GREB1L: variants seen among roughly 807,000 people sequenced by gnomAD.
GREB1L encodes GREB1-like protein.
Under a neutral mutation model 200.8 loss-of-function variants are expected in GREB1L, and 17 were observed. The ratio of observed to expected loss-of-function variants is 0.08; its 90% confidence interval spans 0.06 to 0.13. The LOEUF (loss-of-function observed/expected upper bound fraction) is 0.13. GREB1L is among the 10% of genes least tolerant of loss of function. The pLI, the probability that GREB1L is intolerant of heterozygous loss-of-function variation, is 1.00. For missense variants in GREB1L, 1,657 were observed against 2,367.7 expected, an observed-to-expected ratio of 0.70 and a Z score of 6.23; for synonymous variants, 789 against 893.0, an observed-to-expected ratio of 0.88 and a Z score of 2.08.
chr18:21,443,827 T>G (rs2145305703), intron 10 of GREB1L, among the ~76,000 whole-genome samples: 1 of 152,322 alleles, frequency 6.6e-6, no homozygotes, highest in Admixed American at 6.5e-5. Context: ...AAACCACCTC[T>G]CCATTGCTTG....
intron 4 of GREB1L, among the ~76,000 whole-genome samples, chr18:21,391,052 A>G (rs922002605): frequency 1.3e-5 from 2 of 152,240 alleles, no homozygotes; most frequent in Non-Finnish European, 2.9e-5. Flanking sequence ...TATTGAAGAA[A>G]AAAACATTTT....
At chr18:21,271,706 C>G (rs910790527) in intron 1 of GREB1L, among the ~76,000 whole-genome samples, 4 of 151,876 alleles carry the variant, frequency 2.6e-5, no homozygotes, top group Non-Finnish European at 2.9e-5. Context: ...AATGTAGCCC[C>G]CACTCATGCA....
chr18:21,263,570 A>G (rs1643044554), intron 1 of GREB1L, among the ~76,000 whole-genome samples: 1 of 152,182 alleles, frequency 6.6e-6, no homozygotes. Context: ...ATTTTCAATG[A>G]CTTAAGTTTA....
intron 1 of GREB1L, among the ~76,000 whole-genome samples, chr18:21,294,244 G>T (rs1238325696): frequency 2.0e-5 from 3 of 152,010 alleles, no homozygotes; most frequent in African/African-American, 7.2e-5. Flanking sequence ...GGCATGTGAG[G>T]CTAGTGGCTA....
chr18:21,268,857 T>C (rs973405988), intron 1 of GREB1L, among the ~76,000 whole-genome samples: 2 of 151,818 alleles, frequency 1.3e-5, no homozygotes, highest in African/African-American at 4.8e-5. Flanking sequence ...GTGCTGGGAT[T>C]ACAGGTGTGA....
chr18:21,387,312 TG>T, intron 4 of GREB1L, among the ~76,000 whole-genome samples: 1 of 152,366 alleles, frequency 6.6e-6, no homozygotes, highest in East Asian at 1.9e-4. Context: ...TTCTGTGAAG[TG>T]AAATCTTTGG....
chr18:21,366,345 A>G (rs2143647640), intron 2 of GREB1L, among the ~76,000 whole-genome samples: 1 of 150,788 alleles, frequency 6.6e-6, no homozygotes, highest in South Asian at 2.1e-4. Context: ...CTTTCTCTAC[A>G]ACAACCCCTG....
chr18:21,335,938 C>T (rs1448847762), intron 1 of GREB1L, among the ~76,000 whole-genome samples: 9 of 152,122 alleles, frequency 5.9e-5, no homozygotes, highest in Admixed American at 3.3e-4. Flanking sequence ...GCTGGGATTA[C>T]AGGTGTGAGC....
rs1476679245 is a variant in GREB1L, at chr18:21,496,557, G to A, written c.3250G>A (p.Val1084Ile). Residue 1084 changes from valine to isoleucine, a missense_variant, in exon 21 of 33, where the codon GTC becomes ATC. This residue lies in a region of GREB1L where 512 missense variants were observed against 668.3 expected (regional missense o/e 0.77). Transcript: ENST00000424526. ...GGCATGCTGCTATGTCTCAAAAGAG[G>A]TCATCCGGGGACCCACTGTTGCCCT... ...GLACCYVSKE[V>I]IRGPTVALDL... 2 of 1,551,736 alleles carry A rather than the reference G, an allele frequency of 1.3e-6. No individual in the cohort carries two copies. Among genetic ancestry groups the A allele is most frequent in the South Asian group, 2.4e-5 (2 of 84,058 alleles).
chr18:21,524,043 A>C lies in GREB1L; in HGVS notation c.*1222A>C, dbSNP rs986956553. 5 of 152,224 alleles carry C rather than the reference A, an allele frequency of 3.3e-5. No homozygotes were observed. Among genetic ancestry groups the C allele is most frequent in the African/African-American group, 1.2e-4 (5 of 41,468 alleles). 9.4% of individuals were successfully genotyped at this position (152,224 alleles called of 1,614,324 possible). ...TTTAGAAAGTGTTCTAGATAAAACT[A>C]AGTCTTAGAAGTTTACTCTTAAATT... On this transcript the variant is annotated 3_prime_UTR_variant, in exon 33 of 33. Transcript: ENST00000424526.
intron 1 of GREB1L, among the ~76,000 whole-genome samples, chr18:21,336,197 A>AT (rs1341434084): frequency 6.6e-6 from 1 of 152,206 alleles, no homozygotes; most frequent in Admixed American, 6.5e-5. Flanking sequence ...AGAAAAAAAG[A>AT]AAAGCCATTC....
At chr18:21,403,307 G>C (rs181283479) in intron 6 of GREB1L, among the ~76,000 whole-genome samples, 1 of 152,108 alleles carries the variant, frequency 6.6e-6, no homozygotes, top group Non-Finnish European at 1.5e-5. Context: ...ATCATGATCC[G>C]TAACCACTTT....
chr18:21,508,491 C>T lies in GREB1L; in HGVS notation c.4635C>T (p.His1545=). ...CCATGGAGGGCATCAGCCACCTTCA[C>T]CTCCTGGTGGTCAAAGAGTATGAGA... is the stretch of plus-strand genomic sequence containing the variant. ...FHAMEGISHL[H]LLVVKEYEMP... Residue 1545 remains histidine (H), a synonymous_variant, in exon 27 of 33, where the codon CAC becomes CAT. Coordinates refer to ENST00000424526, the MANE Select transcript of GREB1L (RefSeq NM_001142966.3). 1 of 1,551,752 alleles carries T rather than the reference C, an allele frequency of 6.4e-7. No homozygotes were observed.
At chr18:21,447,432 T>C (rs935598288) in intron 11 of GREB1L, among the ~76,000 whole-genome samples, 1 of 152,240 alleles carries the variant, frequency 6.6e-6, no homozygotes, top group African/African-American at 2.4e-5. Flanking sequence ...TGATTCCTAA[T>C]TGTACATCAG....
At chr18:21,511,291 G>A (rs538149549) in intron 27 of GREB1L, among the ~76,000 whole-genome samples, 1 of 152,210 alleles carries the variant, frequency 6.6e-6, no homozygotes, top group East Asian at 1.9e-4. Flanking sequence ...TTGAACCGGG[G>A]AGGTGGAGGT....
Position 21,508,520 on chromosome 18 carries a change from C to T in GREB1L, c.4664C>T (p.Pro1555Leu). The T allele has an allele frequency of 6.4e-7, 1 of 1,551,796 alleles. No individual in the cohort carries two copies. The highest frequency in any genetic ancestry group is 8.7e-7 in the Non-Finnish European group (1 of 1,147,034). The stretch of plus-strand genomic sequence containing the variant: ...CTGGTGGTCAAAGAGTATGAGATGC[C>T]TCTGTACCGCAAGTACTGGCCCAAC... ...HLLVVKEYEM[P>L]LYRKYWPNHI... is the part of the protein sequence containing the mutation. Residue 1555 changes from proline (P) to leucine (L), a missense_variant, in exon 27 of 33, where the codon CCT becomes CTT. By Grantham distance (98) the Pro-to-Leu change is moderately conservative (BLOSUM62 -3). This residue lies in a region of GREB1L where 151 missense variants were observed against 309.6 expected (regional missense o/e 0.49). Transcript: ENST00000424526.
At chr18:21,310,303 T>C (rs2038770744) in intron 1 of GREB1L, among the ~76,000 whole-genome samples, 1 of 152,132 alleles carries the variant, frequency 6.6e-6, no homozygotes, top group Admixed American at 6.5e-5. Flanking sequence ...ATGAGACTCA[T>C]CAAGTGCTGT....
chr18:21,487,275 G>T (rs1193721035), intron 18 of GREB1L, among the ~76,000 whole-genome samples: 2 of 152,192 alleles, frequency 1.3e-5, no homozygotes, highest in African/African-American at 2.4e-5. Context: ...TGCTACAAAA[G>T]TTGTAAGTAT....
At chr18:21,401,686 AC>A in intron 6 of GREB1L, 1 of 167,242 alleles carries the variant, frequency 6.0e-6, no homozygotes, top group Non-Finnish European at 1.3e-5. Context: ...AGATTCTCAA[AC>A]ATCTGTATTT....
Sources: allele counts gnomAD v4.1 joint callset (sites outside exome capture counted in the v4.1 genomes callset), GRCh38; gene constraint gnomAD v4.1.1; regional missense constraint gnomAD v4.1.1; transcripts MANE v1.5; gene names NCBI Gene and HGNC (gene_info 2026-07-23, HGNC 2026-07-21).